LRRC4C: variants seen among roughly 807,000 people sequenced by gnomAD.
The protein encoded by LRRC4C is leucine rich repeat containing 4C.
LRRC4C carries 5 observed loss-of-function variants against 33.6 expected under a neutral mutation model. That is an observed-to-expected ratio of 0.15 (90% CI 0.08 to 0.31). The LOEUF is 0.31. Among genes scored for constraint, LRRC4C ranks in the 10% least tolerant of loss-of-function variants. LRRC4C has a pLI of 1.00. For missense variants in LRRC4C, 560 were observed against 796.7 expected (o/e 0.70, Z 3.58); for synonymous variants, 329 against 302.0 (o/e 1.09, Z -0.93).
chr11:40,542,104 TTTC>T (rs1204270107), intron 3 of LRRC4C, among the ~76,000 whole-genome samples: 8 of 152,056 alleles, frequency 5.3e-5, no homozygotes, highest in African/African-American at 1.9e-4. Flanking sequence ...TCTCTCTTTT[TTTC>T]TTCTCACATT....
At chr11:40,931,110 C>T (rs1176137680) in intron 2 of LRRC4C, among the ~76,000 whole-genome samples, 2 of 152,086 alleles carry the variant, frequency 1.3e-5, no homozygotes. Flanking sequence ...GGGGCAAATA[C>T]ACTCAAGTTG....
intron 1 of LRRC4C, among the ~76,000 whole-genome samples, chr11:41,285,399 T>A (rs1362558408): frequency 6.6e-6 from 1 of 152,248 alleles, no homozygotes; most frequent in Non-Finnish European, 1.5e-5. Context: ...TTTAAATATC[T>A]ACTGTTTAGG....
intron 1 of LRRC4C, among the ~76,000 whole-genome samples, chr11:41,134,125 T>C (rs1275399013): frequency 1.3e-5 from 2 of 152,034 alleles, no homozygotes; most frequent in South Asian, 2.1e-4. Context: ...TGAGGTGGGG[T>C]CTCACTGTGT....
intron 2 of LRRC4C, among the ~76,000 whole-genome samples, chr11:40,865,719 T>C (rs868286350): frequency 6.6e-6 from 1 of 151,838 alleles, no homozygotes; most frequent in African/African-American, 2.4e-5. Context: ...ACTTGAAGAA[T>C]ACCAAGAAGA....
intron 3 of LRRC4C, among the ~76,000 whole-genome samples, chr11:40,509,393 A>G (rs1283604334): frequency 6.6e-6 from 1 of 152,156 alleles, no homozygotes; most frequent in Non-Finnish European, 1.5e-5. Context: ...CTTCTACATG[A>G]TTCTCTTTTC....
intron 4 of LRRC4C, among the ~76,000 whole-genome samples, chr11:40,314,164 T>A (rs1240207505): frequency 6.6e-6 from 1 of 151,004 alleles, no homozygotes; most frequent in African/African-American, 2.4e-5. Flanking sequence ...CAGCAAAAAA[T>A]AAAAAATAAA....
intron 1 of LRRC4C, among the ~76,000 whole-genome samples, chr11:41,313,871 ATT>A (rs879610598): frequency 1.3e-5 from 2 of 150,892 alleles, no homozygotes; most frequent in Non-Finnish European, 3.0e-5. Flanking sequence ...CTACTCTGAC[ATT>A]TTTTTTTGCA....
At chr11:41,009,748 A>G (rs1000984798) in intron 1 of LRRC4C, among the ~76,000 whole-genome samples, 20 of 152,292 alleles carry the variant, frequency 1.3e-4, no homozygotes, top group Middle Eastern at 6.8e-3. Flanking sequence ...CTGGGTGACT[A>G]CTACCCTTTT....
intron 1 of LRRC4C, among the ~76,000 whole-genome samples, chr11:40,949,117 AGTGATG>A (rs374656998): frequency 0.063 from 9,560 of 152,146 alleles, 414 homozygotes; most frequent in South Asian, 0.18. Context: ...TCTGATGGCC[AGTGATG>A]GTGAGCATTT....
chr11:40,818,322 CT>C (rs1158018072), intron 2 of LRRC4C, among the ~76,000 whole-genome samples: 3 of 152,066 alleles, frequency 2.0e-5, no homozygotes, highest in Non-Finnish European at 4.4e-5. Context: ...TTCCTGGATG[CT>C]AAGACTTTCC....
chr11:40,123,827 A>G (rs1841703), intron 6 of LRRC4C, among the ~76,000 whole-genome samples: 9,595 of 152,136 alleles, frequency 0.063, 424 homozygotes, highest in Non-Finnish European at 0.09. Context: ...CTCATTACCT[A>G]ACTTCAAATT....
chr11:41,384,491 A>G (rs2958834), intron 1 of LRRC4C, among the ~76,000 whole-genome samples: 149,150 of 151,644 alleles, frequency 0.98, 73,403 homozygotes, highest in Middle Eastern at 1. Flanking sequence ...TATCTTGTCA[A>G]AACTGTTACA....
chr11:40,771,739 G>A (rs1949765189), intron 2 of LRRC4C, among the ~76,000 whole-genome samples: 1 of 152,066 alleles, frequency 6.6e-6, no homozygotes, highest in African/African-American at 2.4e-5. Context: ...CTAAAGCATA[G>A]CAATAGTCAT....
chr11:41,293,875 G>A (rs939432951), intron 1 of LRRC4C, among the ~76,000 whole-genome samples: 1 of 152,164 alleles, frequency 6.6e-6, no homozygotes, highest in East Asian at 1.9e-4. Flanking sequence ...GGGATTACAG[G>A]TGTGAGCCAC....
At chr11:40,892,085 C>T (rs1330816851) in intron 2 of LRRC4C, among the ~76,000 whole-genome samples, 3 of 139,244 alleles carry the variant, frequency 2.2e-5, no homozygotes, top group East Asian at 2.1e-4. Flanking sequence ...CAGTGAGTGG[C>T]GATGGCGCCA....
At chr11:41,120,766 C>A (rs941169087) in intron 1 of LRRC4C, among the ~76,000 whole-genome samples, 1 of 152,104 alleles carries the variant, frequency 6.6e-6, no homozygotes, top group Non-Finnish European at 1.5e-5. Flanking sequence ...ATTGTAATTA[C>A]CAATGTTGGA....
rs140685883 is a variant in LRRC4C, at chr11:40,347,618, A to G, written c.-269-27897T>C. ...TCATTTGAAAATATTTATTTATTTT[A>G]TTGTTTTGAGACGGAGTTTCGCTCT... On this transcript the variant is annotated intron_variant, in intron 3 of 6. Transcript: ENST00000528697. 4.7e-3 allele frequency among the ~76,000 whole-genome samples: 708 copies of G among 152,140 alleles called. 7 individuals carry two copies. Among genetic ancestry groups the G allele is most frequent in the African/African-American group, 0.016 (678 of 41,516 alleles).
chr11:41,011,381 C>T (rs1335315586), intron 1 of LRRC4C, among the ~76,000 whole-genome samples: 1 of 152,032 alleles, frequency 6.6e-6, no homozygotes, highest in East Asian at 1.9e-4. Context: ...TGCTAATGGT[C>T]AGCTAAATAT....
At chr11:40,481,077 A>G (rs1444966948) in intron 3 of LRRC4C, among the ~76,000 whole-genome samples, 1 of 152,106 alleles carries the variant, frequency 6.6e-6, no homozygotes, top group Non-Finnish European at 1.5e-5. Context: ...AAAAAAAAAA[A>G]AGAAAATATC....
Sources: allele counts gnomAD v4.1 joint callset (sites outside exome capture counted in the v4.1 genomes callset), GRCh38; gene constraint gnomAD v4.1.1; transcripts MANE v1.5; gene names NCBI Gene and HGNC (gene_info 2026-07-23, HGNC 2026-07-21).